Variants in SVIL observed in about 807,000 individuals in gnomAD.
The protein encoded by SVIL is archvillin.
SVIL carries 101 observed loss-of-function variants against 240.4 expected under a neutral mutation model. That is an observed-to-expected ratio of 0.42 (90% confidence interval 0.36 to 0.50). The LOEUF is 0.50. Ranked by LOEUF, SVIL falls within the 20% of genes least tolerant of loss-of-function variation. The pLI is 0.01. For synonymous variants in SVIL, 999 were observed against 1,100.0 expected, an observed-to-expected ratio of 0.91 and a Z score of 1.82; for missense variants, 2,512 against 2,818.7, an observed-to-expected ratio of 0.89 and a Z score of 2.46.
At chr10:29,464,366 G>C (rs1184554419) in intron 34 of SVIL, among the ~76,000 whole-genome samples, 1 of 152,186 alleles carries the variant, frequency 6.6e-6, no homozygotes, top group Non-Finnish European at 1.5e-5. Flanking sequence ...TTGAGCCCAA[G>C]AGTTAGAGGC....
At chr10:29,554,699 G>A (rs1350666347) in intron 5 of SVIL, 84 bp downstream of exon 5, 5 of 1,414,944 alleles carry the variant, frequency 3.5e-6, no homozygotes, top group Non-Finnish European at 3.7e-6. Flanking sequence ...AATATCTCAT[G>A]TTCTGATACC....
chr10:29,671,913 GA>G (rs1424123716), intron 2 of SVIL, among the ~76,000 whole-genome samples: 2 of 152,150 alleles, frequency 1.3e-5, no homozygotes, highest in African/African-American at 2.4e-5. Flanking sequence ...TAAAATGCTA[GA>G]AAATTGGGTC....
chr10:29,533,987 C>G (rs1951566593), intron 7 of SVIL, among the ~76,000 whole-genome samples: 1 of 152,216 alleles, frequency 6.6e-6, no homozygotes, highest in African/African-American at 2.4e-5. Context: ...ACAACAATCA[C>G]CTCTCTTTTA....
At chr10:29,586,855 C>T (rs1956187258) in intron 1 of SVIL, among the ~76,000 whole-genome samples, 1 of 152,036 alleles carries the variant, frequency 6.6e-6, no homozygotes, top group African/African-American at 2.4e-5. Context: ...AACACATGGA[C>T]ACATAGAAGG....
At chr10:29,660,739 C>T (rs1324043929) in intron 2 of SVIL, among the ~76,000 whole-genome samples, 1 of 152,234 alleles carries the variant, frequency 6.6e-6, no homozygotes. Flanking sequence ...GCTCATTCCC[C>T]TCCTGACCTC....
chr10:29,678,098 G>A (rs1159919335), intron 2 of SVIL, among the ~76,000 whole-genome samples: 1 of 152,148 alleles, frequency 6.6e-6, no homozygotes, highest in Admixed American at 6.5e-5. Context: ...CTGGGGACCA[G>A]TTTTGTGGAA....
Position 29,708,941 on chromosome 10 carries a change from A to T in SVIL, c.-399-22290T>A, listed in dbSNP as rs562990401. On this transcript the variant is annotated intron_variant, in intron 1 of 35. Coordinates refer to the SVIL transcript ENST00000375400. The stretch of plus-strand genomic sequence containing the variant: ...TTTTAAAAGATGATTACACAATGAA[A>T]AGTTCAATAGAACAGTACAAAGATA... 2.0e-5 allele frequency among the ~76,000 whole-genome samples: 3 copies of T among 152,340 alleles called. No homozygotes were observed. In the South Asian group the frequency reaches 6.2e-4, roughly 32 times the overall value.
chr10:29,554,815 A>T lies in SVIL; in HGVS notation c.128T>A (p.Met43Lys), dbSNP rs757540797. Residue 43 changes from methionine to lysine, a missense_variant, in exon 5 of 38, where the codon ATG (methionine) becomes AAG (lysine). Around this residue, in one of 3 missense-constraint regions of SVIL, gnomAD observed 1,443 missense variants for 1,486.6 expected, o/e 0.97. Coordinates refer to ENST00000355867, the MANE Select transcript of SVIL (RefSeq NM_021738.3). ...GGGGCTGGCAGGGTCGCTGGCTCTC[A>T]TGTATCGAGGGGTGTCTTCCTCCAG... ...RLLEEDTPRY[M>K]RASDPASPHI... 1 of 1,611,972 alleles carries T rather than the reference A, an allele frequency of 6.2e-7. No homozygotes were observed. Among genetic ancestry groups the T allele is most frequent in the South Asian group, 1.1e-5 (1 of 90,690 alleles).
At chr10:29,479,527 G>T (rs1946596730) in intron 29 of SVIL, among the ~76,000 whole-genome samples, 1 of 152,204 alleles carries the variant, frequency 6.6e-6, no homozygotes, top group African/African-American at 2.4e-5. Context: ...CGTGTGCTCA[G>T]CGAGGCCCAC....
At chr10:29,686,660 G>A (rs1211450855) in intron 1 of SVIL, 1 of 152,116 alleles carries the variant, frequency 6.6e-6, no homozygotes, top group Non-Finnish European at 1.5e-5. Flanking sequence ...ATCTGGGGGA[G>A]AAAAGTTTTA....
rs142238310 is a variant in SVIL at position 29,463,530 on chromosome 10, C to T, written c.6239G>A (p.Arg2080Gln). The change falls in exon 35 of 38, where the codon CGG becomes CAG. Residue 2080 changes from arginine to glutamine, a missense_variant. Arg to Gln is a conservative substitution (Grantham distance 43). Around this residue, in one of 3 missense-constraint regions of SVIL, gnomAD observed 797 missense variants for 925.3 expected, o/e 0.86. Coordinates refer to ENST00000355867, the MANE Select transcript of SVIL (RefSeq NM_021738.3). ...GAGCACAGTCTCCATCGCACTCTTC[C>T]GGTCGGAGGCCCAGCGGATGCGGGC... ...GSARIRWASD[R>Q]KSAMETVLQY... 3.2e-5 allele frequency: 52 copies of T among 1,613,968 alleles called. No homozygotes were observed. The highest frequency in any genetic ancestry group is 1.6e-4 in the Middle Eastern group (1 of 6,084).
rs1237504100 is a variant in SVIL, at chr10:29,551,158, C to A, written c.266G>T (p.Gly89Val). The A allele has an allele frequency of 6.2e-7, 1 of 1,614,140 alleles. No homozygotes were observed. The highest frequency in any genetic ancestry group is 1.7e-5 in the Admixed American group (1 of 60,022). ...ACTGTGGGTGTCCATGGTACCCGAACCATAGGGTGAGTCACCGTGGACACC... is the reference window on the plus strand; with the variant it reads ...ACTGTGGGTGTCCATGGTACCCGAAACATAGGGTGAGTCACCGTGGACACC... Reference protein sequence around the residue: ...TSGVHGDSPYGSGTMDTHSLE... With the variant: ...TSGVHGDSPYVSGTMDTHSLE... Residue 89 changes from glycine (G) to valine (V), a missense_variant, in exon 6 of 38, where the codon GGT (glycine) becomes GTT (valine). Around this residue, in one of 3 missense-constraint regions of SVIL, gnomAD observed 1,443 missense variants for 1,486.6 expected, o/e 0.97. Transcript: ENST00000355867.
At position 29,481,693 on chromosome 10, in the gene SVIL, C is replaced by G; in HGVS notation, c.4991G>C (p.Gly1664Ala). ...CGTCTCATTGTGTTCAGTAAGTCTC[C>G]CAAATATCGCCCAGTCGGGCCGCCC... is the stretch of plus-strand genomic sequence containing the variant. The part of the protein sequence containing the change: ...GQGRPDWAIF[G>A]RLTEHNETIL... Residue 1664 changes from glycine (G) to alanine (A), a missense_variant, in exon 28 of 38, where the codon GGG becomes GCG. Physicochemically the swap from Gly to Ala is moderately conservative, Grantham distance 60. Coordinates refer to ENST00000355867, the MANE Select transcript of SVIL (RefSeq NM_021738.3). 6.2e-7 allele frequency: 1 copy of G among 1,614,072 alleles called. No homozygotes were observed. Among genetic ancestry groups the G allele is most frequent in the Non-Finnish European group, 8.5e-7 (1 of 1,180,020 alleles).
chr10:29,462,395 T>C lies in SVIL; in HGVS notation c.6284A>G (p.Asn2095Ser), dbSNP rs1944367376. The C allele has an allele frequency of 1.2e-6, 2 of 1,613,976 alleles. No individual in the cohort carries two copies. The highest frequency in any genetic ancestry group is 8.5e-7 in the Non-Finnish European group (1 of 1,179,954). The part of the protein sequence containing the change: ...ETVLQYCKGK[N>S]LKKPAPKSYL... ...AGACTTGGGGGCTGGTTTCTTGAGATTTTTTCCTGTAGTTACACAGATTGC... is the reference window on the plus strand; with the variant it reads ...AGACTTGGGGGCTGGTTTCTTGAGACTTTTTCCTGTAGTTACACAGATTGC... Residue 2095 changes from asparagine to serine, a missense_variant, in exon 36 of 38, where the codon AAT (asparagine) becomes AGT (serine). By Grantham distance (46) the Asn-to-Ser change is conservative (BLOSUM62 1). This residue lies in a region of SVIL where 797 missense variants were observed against 925.3 expected (regional missense o/e 0.86). Transcript: ENST00000355867.
chr10:29,666,005 G>T (rs1376272674), intron 2 of SVIL, among the ~76,000 whole-genome samples: 1 of 152,222 alleles, frequency 6.6e-6, no homozygotes, highest in Non-Finnish European at 1.5e-5. Flanking sequence ...CCTTCTGGAT[G>T]CATGTTACCA....
chr10:29,715,454 C>T (rs954572893), intron 1 of SVIL, among the ~76,000 whole-genome samples: 4 of 152,174 alleles, frequency 2.6e-5, no homozygotes, highest in Non-Finnish European at 4.4e-5. Context: ...CTACCTCTGC[C>T]GACAACATTC....
chr10:29,529,670 T>G (rs765081210), intron 12 of SVIL, 35 bp downstream of exon 12: 1 of 1,559,956 alleles, frequency 6.4e-7, no homozygotes, highest in East Asian at 2.3e-5. Flanking sequence ...AAAAAGACAC[T>G]ATAGACAAGG....
chr10:29,495,473 T>G (rs1011892668), intron 18 of SVIL, among the ~76,000 whole-genome samples: 5 of 152,136 alleles, frequency 3.3e-5, no homozygotes, highest in Non-Finnish European at 7.3e-5. Context: ...CTTGGGCAAA[T>G]GCAGCTGTGA....
At chr10:29,530,743 G>A (rs918962984) in intron 10 of SVIL, 75 bp from the exon 11 acceptor site, 60 of 1,537,046 alleles carry the variant, frequency 3.9e-5, no homozygotes, top group Non-Finnish European at 1.7e-5. Flanking sequence ...GTCTTTCAGG[G>A]CTGACCTGGA....
Sources: allele counts gnomAD v4.1 joint callset (sites outside exome capture counted in the v4.1 genomes callset), GRCh38; gene constraint gnomAD v4.1.1; regional missense constraint gnomAD v4.1.1; transcripts MANE v1.5; gene names NCBI Gene and HGNC (gene_info 2026-07-23, HGNC 2026-07-21).